ESR1: variants seen among roughly 807,000 people sequenced by gnomAD.
The protein encoded by ESR1 is estrogen receptor.
ESR1 carries 12 observed loss-of-function variants against 52.7 expected under a neutral mutation model. That is an observed-to-expected ratio of 0.23 (90% CI 0.15 to 0.37). ESR1 has a LOEUF of 0.37. Ranked by LOEUF, ESR1 falls within the 10% of genes least tolerant of loss-of-function variation. The pLI is 1.00. For synonymous variants in ESR1, 305 were observed against 316.8 expected, an observed-to-expected ratio of 0.96 and a Z score of 0.39; for missense variants, 584 against 779.7, an observed-to-expected ratio of 0.75 and a Z score of 2.99.
chr6:151,694,510 G>A (rs1188947454), intron 1 of ESR1, among the ~76,000 whole-genome samples: 4 of 152,156 alleles, frequency 2.6e-5, no homozygotes, highest in East Asian at 1.9e-4. Flanking sequence ...AGTTGTGGCC[G>A]GGATTGGTGG....
chr6:151,914,569 T>C (rs1010564933), intron 3 of ESR1, among the ~76,000 whole-genome samples: 4 of 152,224 alleles, frequency 2.6e-5, no homozygotes, highest in Non-Finnish European at 5.9e-5. Context: ...ACCATTTTAT[T>C]AGATATTTAA....
chr6:151,895,809 G>A (rs1034491803), intron 3 of ESR1, among the ~76,000 whole-genome samples: 2 of 151,982 alleles, frequency 1.3e-5, no homozygotes, highest in Non-Finnish European at 2.9e-5. Context: ...TTTCGTTAAG[G>A]ATATTTTTTT....
rs570112042 is a variant in ESR1, at chr6:151,797,844, A to G, written c.-70-9999A>G. On this transcript the variant is annotated intron_variant, in intron 2 of 2. Transcript: ENST00000404742. Reference sequence around the variant, plus strand: ...ATGGCGCTATGTCCTCCCAGGTCCTATGTTTTCTTTTTTGTATTTTATCAG... The same window carrying G: ...ATGGCGCTATGTCCTCCCAGGTCCTGTGTTTTCTTTTTTGTATTTTATCAG... Among the ~76,000 whole-genome samples, 29 of 152,262 alleles carry G rather than the reference A, an allele frequency of 1.9e-4. No homozygotes were observed. The South Asian group carries it at 4.6e-3, about 24-fold the overall frequency.
At chr6:151,882,198 A>T (rs1454270645) in intron 3 of ESR1, among the ~76,000 whole-genome samples, 1 of 152,198 alleles carries the variant, frequency 6.6e-6, no homozygotes, top group African/African-American at 2.4e-5. Flanking sequence ...GACAAGCTTG[A>T]TTGTTAACAA....
chr6:152,099,908 GT>G lies in ESR1; in HGVS notation c.*943del, dbSNP rs1173821392. 8 of 398,330 alleles carry G rather than the reference GT, an allele frequency of 2.0e-5. No homozygotes were observed. Among genetic ancestry groups the G allele is most frequent in the African/African-American group, 1.4e-4 (7 of 48,642 alleles). The allele number at this position is 398,330 out of a possible 1,614,324, so 24.7% of individuals were successfully genotyped here. A position where few individuals can be genotyped will look rare whatever the true frequency, so the allele number is the denominator to read the frequency against. On this transcript the variant is annotated 3_prime_UTR_variant, in exon 8 of 8. Coordinates refer to ENST00000206249, the MANE Select transcript of ESR1 (RefSeq NM_000125.4). ...ACACAGGGGTGAACTGTTCACTGTGGTGATGCATGATGAGGGTAAATGGTAG... is the reference window on the plus strand; with the variant it reads ...ACACAGGGGTGAACTGTTCACTGTGGGATGCATGATGAGGGTAAATGGTAG...
intron 4 of ESR1, among the ~76,000 whole-genome samples, chr6:151,966,810 G>A (rs2038322246): frequency 6.6e-6 from 1 of 152,110 alleles, no homozygotes; most frequent in African/African-American, 2.4e-5. Flanking sequence ...CTGAATGCAG[G>A]GCACGATGGG....
intron 4 of ESR1, among the ~76,000 whole-genome samples, chr6:151,971,173 G>C (rs2038873113): frequency 2.0e-5 from 3 of 152,152 alleles, no homozygotes. Flanking sequence ...AAATAATGAT[G>C]ACTGATTTTT....
Position 151,985,411 on chromosome 6 carries a change from G to A in ESR1, c.1097-26245G>A, listed in dbSNP as rs940972588. Among the ~76,000 whole-genome samples the A allele has an allele frequency of 7.3e-5, 11 of 150,146 alleles. 1 individual carries two copies. The highest frequency in any genetic ancestry group is 6.3e-4 in the South Asian group (3 of 4,726). On this transcript the variant is annotated intron_variant, in intron 4 of 7. Coordinates refer to ENST00000206249, the MANE Select transcript of ESR1 (RefSeq NM_000125.4). ...TAATCCCAGCTACTTGGGAGGCTGAGGCAGGAGAATCACTTGAACCCAGGA... is the reference window on the plus strand; with the variant it reads ...TAATCCCAGCTACTTGGGAGGCTGAAGCAGGAGAATCACTTGAACCCAGGA...
downstream of ESR1, among the ~76,000 whole-genome samples, chr6:152,103,690 T>A (rs946013228): frequency 6.6e-6 from 1 of 152,196 alleles, no homozygotes; most frequent in Non-Finnish European, 1.5e-5. Context: ...TGAGAGTGGT[T>A]ATTTATGAAT....
chr6:151,811,202 A>G (rs1778786080), intron 1 of ESR1: 1 of 152,232 alleles, frequency 6.6e-6, no homozygotes, highest in African/African-American at 2.4e-5. Flanking sequence ...TGTGAGAAAG[A>G]TTGTCACATG....
chr6:151,783,926 A>T (rs993725209), intron 2 of ESR1, among the ~76,000 whole-genome samples: 1 of 152,122 alleles, frequency 6.6e-6, no homozygotes, highest in Admixed American at 6.5e-5. Flanking sequence ...CTCAACTGAG[A>T]TTTGTCTCAT....
intron 2 of ESR1, chr6:151,702,045 A>G (rs746936312): frequency 6.6e-6 from 1 of 152,158 alleles, no homozygotes; most frequent in Non-Finnish European, 1.5e-5. Context: ...CTCTCTCCTG[A>G]CTTTGTCCGT....
intron 2 of ESR1, among the ~76,000 whole-genome samples, chr6:151,745,951 A>G (rs567405451): frequency 2.9e-4 from 44 of 152,230 alleles, no homozygotes; most frequent in African/African-American, 9.9e-4. Context: ...TGTGAATTTT[A>G]CTACTTTAGA....
chr6:152,052,221 C>T (rs1036677594), intron 5 of ESR1, among the ~76,000 whole-genome samples: 34 of 152,272 alleles, frequency 2.2e-4, no homozygotes, highest in Admixed American at 1.6e-3. Context: ...TCACTCATTA[C>T]GGTAGGATGG....
rs950878968 is a variant in ESR1, at chr6:152,098,428, C to T, written c.1554-304C>T. The stretch of plus-strand genomic sequence containing the variant: ...GGGAATAGGATCTCATTTGAGGCCA[C>T]GGAGGTCCATGGAAGTCACCTGCAT... On this transcript the variant is annotated intron_variant, in intron 7 of 7. Transcript: ENST00000206249. The surrounding 1 kb of genome is among the most constrained non-coding windows in gnomAD (Gnocchi z 5.1). Among the ~76,000 whole-genome samples, 5 of 151,994 alleles carry T rather than the reference C, an allele frequency of 3.3e-5. No individual in the cohort carries two copies. The highest frequency in any genetic ancestry group is 7.4e-5 in the Non-Finnish European group (5 of 68,016).
At chr6:151,828,600 C>T (rs1781887484) in intron 1 of ESR1, among the ~76,000 whole-genome samples, 1 of 152,112 alleles carries the variant, frequency 6.6e-6, no homozygotes, top group Non-Finnish European at 1.5e-5. Flanking sequence ...GGAGATGAAT[C>T]TGGAGGGAGA....
chr6:152,014,966 C>T (rs1335450197), intron 5 of ESR1, among the ~76,000 whole-genome samples: 1 of 152,104 alleles, frequency 6.6e-6, no homozygotes, highest in East Asian at 1.9e-4. Context: ...ACCCGAGAGG[C>T]TGAGGCAGGA....
rs1180087773 is a variant in ESR1 at position 152,101,356 on chromosome 6, C to A, written c.*2390C>A. ...TTTTTAATGTTTATACTTAGATTTT[C>A]TTTTAAAAAAATTAAAATAAAACAA... is the stretch of plus-strand genomic sequence containing the variant. On this transcript the variant is annotated 3_prime_UTR_variant, in exon 8 of 8. Transcript: ENST00000206249. The A allele has an allele frequency of 8.6e-6, 2 of 232,200 alleles. No homozygotes were observed. 14.4% of individuals were successfully genotyped at this position (232,200 alleles called of 1,614,324 possible).
intron 1 of ESR1, among the ~76,000 whole-genome samples, chr6:151,818,253 C>T (rs771109518): frequency 6.6e-6 from 1 of 152,134 alleles, no homozygotes; most frequent in Non-Finnish European, 1.5e-5. Context: ...GAAAGCAAGT[C>T]TTCAAAATCT....
Sources: allele counts gnomAD v4.1 joint callset (sites outside exome capture counted in the v4.1 genomes callset), GRCh38; gene constraint gnomAD v4.1.1; non-coding constraint Gnocchi (gnomAD v3.1); transcripts MANE v1.5; gene names NCBI Gene and HGNC (gene_info 2026-07-23, HGNC 2026-07-21).